Variants in TCOF1 observed in about 807,000 individuals in gnomAD.
TCOF1 encodes the protein treacle ribosome biogenesis factor 1.
A neutral mutation model predicts 149.0 loss-of-function variants in TCOF1; 33 were observed. That is an observed-to-expected ratio of 0.22 (90% CI 0.17 to 0.30). TCOF1 has a LOEUF of 0.30. TCOF1 is among the 10% of genes least tolerant of loss of function. The pLI, the probability that TCOF1 is intolerant of heterozygous loss-of-function variation, is 1.00. For synonymous variants in TCOF1, 789 were observed against 738.8 expected (o/e 1.07, Z -1.10); for missense variants, 1,728 against 1,840.7 (o/e 0.94, Z 1.12).
chr5:150,361,104 G>A (rs1309793131), intron 1 of TCOF1, 52 bp from the exon 2 acceptor site: 2 of 1,612,172 alleles, frequency 1.2e-6, no homozygotes, highest in East Asian at 2.2e-5. Context: ...GCCCAAGAAG[G>A]ATCCTTACTG....
intron 17 of TCOF1, among the ~76,000 whole-genome samples, chr5:150,381,450 G>A (rs1438649416): frequency 6.6e-6 from 1 of 152,222 alleles, no homozygotes; most frequent in African/African-American, 2.4e-5. Flanking sequence ...GCCAGAAAAG[G>A]AGGAGATGAT....
chr5:150,381,883 G>C (rs993707951), intron 17 of TCOF1, among the ~76,000 whole-genome samples: 1 of 152,142 alleles, frequency 6.6e-6, no homozygotes, highest in East Asian at 1.9e-4. Flanking sequence ...GTCATAGCAG[G>C]GCTGCAGCAT....
intron 23 of TCOF1, 89 bp downstream of exon 23, chr5:150,393,641 C>T: frequency 6.5e-7 from 1 of 1,536,522 alleles, no homozygotes; most frequent in Non-Finnish European, 8.9e-7. Context: ...AACAGTCCTC[C>T]CAACATGGTC....
Position 150,375,570 on chromosome 5 carries a change from G to C in TCOF1, c.1704+16G>C. 1 of 1,613,990 alleles carries C rather than the reference G, an allele frequency of 6.2e-7. No homozygotes were observed. Among genetic ancestry groups the C allele is most frequent in the African/African-American group, 1.3e-5 (1 of 75,042 alleles). On this transcript the variant is annotated intron_variant, in intron 11 of 26. Transcript: ENST00000643257. The stretch of plus-strand genomic sequence containing the variant: ...CCCGGCTCAGGTGAGGCCCCTTCCT[G>C]TAAGGCTCTTTCTTTTTCCCCCCCA...
Position 150,376,119 on chromosome 5 carries a change from G to A in TCOF1, c.1931G>A (p.Cys644Tyr), listed in dbSNP as rs778283941. The change falls in exon 13 of 27, where the codon TGC (cysteine) becomes TAC (tyrosine). Residue 644 changes from cysteine (C) to tyrosine (Y), a missense_variant. Physicochemically the swap from Cys to Tyr is radical, Grantham distance 194. Coordinates refer to ENST00000643257, the MANE Select transcript of TCOF1 (RefSeq NM_001371623.1). ...CTGAAAATTCCTCAGACCAAGGCCT[G>A]CCCAAAGAAAACCAATACCACTGCA... is the stretch of plus-strand genomic sequence containing the variant. ...PALKIPQTKACPKKTNTTASA... is the reference protein window; with the variant it reads ...PALKIPQTKAYPKKTNTTASA... The A allele has an allele frequency of 5.6e-6, 9 of 1,614,110 alleles. No individual in the cohort carries two copies. Among genetic ancestry groups the A allele is most frequent in the African/African-American group, 2.7e-5 (2 of 74,950 alleles).
At chr5:150,378,545 G>A in intron 14 of TCOF1, 1 of 302,950 alleles carries the variant, frequency 3.3e-6, no homozygotes, top group Non-Finnish European at 6.3e-6. Context: ...TAATGACATT[G>A]CCACCTAGCT....
chr5:150,372,281 C>T, intron 7 of TCOF1, 45 bp downstream of exon 7: 1 of 1,527,444 alleles, frequency 6.5e-7, no homozygotes. Flanking sequence ...CTGCGGGTCC[C>T]CCAGCAGCCT....
intron 19 of TCOF1, among the ~76,000 whole-genome samples, chr5:150,390,254 G>GCAGTA (rs1561528578): frequency 6.6e-6 from 1 of 152,346 alleles, no homozygotes; most frequent in East Asian, 1.9e-4. Flanking sequence ...AGCAAGCCCT[G>GCAGTA]CAGCACTCGA....
intron 3 of TCOF1, among the ~76,000 whole-genome samples, chr5:150,365,590 C>T (rs890089931): frequency 6.6e-6 from 1 of 152,148 alleles, no homozygotes. Flanking sequence ...TGCATATATA[C>T]AGACCTGCAT....
In TCOF1 at chr5:150,374,266, GAAGGCAGGGGCTGTAGCCTCCCAGACC is replaced by G. The variant is rs1562337018; in HGVS notation, c.973_999del (p.Ala325_Gly333del). The G allele has an allele frequency of 1.2e-5, 19 of 1,604,976 alleles. No homozygotes were observed. The African/African-American group carries it at 1.2e-4, about 10-fold the overall frequency. ...AAGGGGCTACCCCAGCACCCCCTGG[GAAGGCAGGGGCTGTAGCCTCCCAGACC>G]AAGGCAGGGAAGCCAGAGGAGGACT... is the stretch of plus-strand genomic sequence containing the variant. On this transcript the variant is annotated inframe_deletion, in exon 8 of 27. Coordinates refer to ENST00000643257, the MANE Select transcript of TCOF1 (RefSeq NM_001371623.1).
intron 3 of TCOF1, among the ~76,000 whole-genome samples, chr5:150,367,143 A>G (rs1310353172): frequency 3.9e-5 from 6 of 151,992 alleles, no homozygotes; most frequent in Non-Finnish European, 5.9e-5. Flanking sequence ...GTCTCTATTA[A>G]AAATACAAAA....
In TCOF1 at chr5:150,364,142, C is replaced by T; in HGVS notation, c.194C>T (p.Ala65Val). 2 of 1,614,122 alleles carry T rather than the reference C, an allele frequency of 1.2e-6. No individual in the cohort carries two copies. The highest frequency in any genetic ancestry group is 8.5e-7 in the Non-Finnish European group (1 of 1,180,018). The change falls in exon 3 of 27, where the codon GCA becomes GTA. Residue 65 changes from alanine (A) to valine (V), a missense_variant. Ala to Val is a moderately conservative substitution (Grantham distance 64, BLOSUM62 0). Transcript: ENST00000643257. Reference sequence around the variant, plus strand: ...TCAGAGCTTGGTCGGAAGCGGAAGGCAGAGGAAGATGCGGCACTGCAAGCT... The same window carrying T: ...TCAGAGCTTGGTCGGAAGCGGAAGGTAGAGGAAGATGCGGCACTGCAAGCT... ...QTSELGRKRK[A>V]EEDAALQAKK...
In TCOF1 at chr5:150,375,060, C is replaced by T. The variant is rs1171178252; in HGVS notation, c.1385C>T (p.Ala462Val). Residue 462 changes from alanine to valine, a missense_variant, in exon 10 of 27, where the codon GCA becomes GTA. Physicochemically the swap from Ala to Val is moderately conservative, Grantham distance 64 (BLOSUM62 0). Transcript: ENST00000643257. ...GCACCTCCTAGGAAAACAGGGCCTGCAGCCGCCCAGGTCCAGGTGGGGAAG... is the reference window on the plus strand; with the variant it reads ...GCACCTCCTAGGAAAACAGGGCCTGTAGCCGCCCAGGTCCAGGTGGGGAAG... Reference protein sequence around the residue: ...APAPPRKTGPAAAQVQVGKQE... With the variant: ...APAPPRKTGPVAAQVQVGKQE... The T allele has an allele frequency of 1.9e-6, 3 of 1,614,010 alleles. No homozygotes were observed. The highest frequency in any genetic ancestry group is 2.2e-5 in the South Asian group (2 of 91,090).
intron 7 of TCOF1, among the ~76,000 whole-genome samples, chr5:150,373,355 T>C (rs578007030): frequency 1.3e-5 from 2 of 152,326 alleles, no homozygotes; most frequent in Admixed American, 1.3e-4. Context: ...ATGTGAACTT[T>C]TATGTAAAAT....
At chr5:150,383,931 C>A in intron 17 of TCOF1, 1 of 1,487,144 alleles carries the variant, frequency 6.7e-7, no homozygotes, top group South Asian at 1.3e-5. Context: ...CTGGTGTGGT[C>A]CAAGCTTCTG....
intron 1 of TCOF1, among the ~76,000 whole-genome samples, chr5:150,359,735 G>A (rs947656904): frequency 2.0e-5 from 3 of 152,186 alleles, no homozygotes; most frequent in African/African-American, 4.8e-5. Context: ...ATATCCTGCC[G>A]TCATGGAGCA....
intron 4 of TCOF1, chr5:150,368,127 C>T: frequency 1.8e-6 from 1 of 562,116 alleles, no homozygotes. Flanking sequence ...ATGCCTGCTG[C>T]AGTGGGCCAC....
intron 2 of TCOF1, among the ~76,000 whole-genome samples, chr5:150,361,703 G>A (rs546145915): frequency 2.0e-5 from 3 of 152,194 alleles, no homozygotes; most frequent in Non-Finnish European, 2.9e-5. Flanking sequence ...TCATCTGGGG[G>A]TCCAGGGGAA....
chr5:150,381,319 G>T (rs1467840866), intron 17 of TCOF1, among the ~76,000 whole-genome samples: 4 of 152,226 alleles, frequency 2.6e-5, no homozygotes, highest in Non-Finnish European at 2.9e-5. Context: ...AACAATTACT[G>T]GGGGTGAAAG....
Sources: allele counts gnomAD v4.1 joint callset (sites outside exome capture counted in the v4.1 genomes callset), GRCh38; gene constraint gnomAD v4.1.1; transcripts MANE v1.5; gene names NCBI Gene and HGNC (gene_info 2026-07-23, HGNC 2026-07-21).